Variants in ARHGAP29 observed in about 807,000 individuals in gnomAD.
ARHGAP29 encodes the protein rho GTPase-activating protein 29.
A neutral mutation model predicts 122.6 loss-of-function variants in ARHGAP29; 43 were observed. The observed-to-expected ratio is 0.35, with a 90% CI of 0.27 to 0.45. The LOEUF (loss-of-function observed/expected upper bound fraction) is 0.45. ARHGAP29 is among the 20% of genes least tolerant of loss of function. ARHGAP29 has a pLI of 1.00. For missense variants in ARHGAP29, 1,303 were observed against 1,477.2 expected (o/e 0.88, Z 1.93); for synonymous variants, 506 against 497.1 (o/e 1.02, Z -0.24).
chr1:94,300,208 T>G, the ARHGAP29 span, among the ~76,000 whole-genome samples: 1 of 152,178 alleles, frequency 6.6e-6, no homozygotes, highest in Admixed American at 6.5e-5. Flanking sequence ...TTGTGGATAT[T>G]CCTTAACTAT....
intron 1 of ARHGAP29, among the ~76,000 whole-genome samples, chr1:94,243,420 G>T (rs888658228): frequency 6.6e-6 from 1 of 151,958 alleles, no homozygotes; most frequent in African/African-American, 2.4e-5. Context: ...CCAAATATTT[G>T]TAAATTATAA....
intron 1 of ARHGAP29, among the ~76,000 whole-genome samples, chr1:94,251,326 C>T (rs535952000): frequency 2.6e-5 from 4 of 152,112 alleles, no homozygotes; most frequent in South Asian, 2.1e-4. Context: ...CCCACCACCA[C>T]GCCCGGCTAA....
At chr1:94,264,144 A>G (rs1654665795) in intron 1 of ARHGAP29, among the ~76,000 whole-genome samples, 1 of 152,246 alleles carries the variant, frequency 6.6e-6, no homozygotes, top group Non-Finnish European at 1.5e-5. Context: ...CAATCTTGGC[A>G]GTAGCATATT....
chr1:94,180,320 C>T lies in ARHGAP29; in HGVS notation c.2248-363G>A, dbSNP rs114177504. ...TTGAAATAAAACCCAGGATAATGCA[C>T]AAAATAAGTCAAATTAGTTAAAAAG... On this transcript the variant is annotated intron_variant, in intron 19 of 22. Coordinates refer to ENST00000260526, the MANE Select transcript of ARHGAP29 (RefSeq NM_004815.4). Among the ~76,000 whole-genome samples the T allele has an allele frequency of 9.8e-3, 1,492 of 152,058 alleles. 20 individuals carry two copies. The highest frequency in any genetic ancestry group is 0.034 in the African/African-American group (1,419 of 41,444).
At chr1:94,221,715 G>A (rs1468320212) in intron 2 of ARHGAP29, among the ~76,000 whole-genome samples, 4 of 150,450 alleles carry the variant, frequency 2.7e-5, no homozygotes, top group Non-Finnish European at 5.9e-5. Flanking sequence ...GTACACATAT[G>A]CATGTCTATA....
chr1:94,309,107 C>A, the ARHGAP29 span, among the ~76,000 whole-genome samples: 1 of 152,218 alleles, frequency 6.6e-6, no homozygotes, highest in Non-Finnish European at 1.5e-5. Context: ...GGCGCCCAGG[C>A]AGACTGGGGC....
chr1:94,309,212 C>T, the ARHGAP29 span, among the ~76,000 whole-genome samples: 1 of 152,214 alleles, frequency 6.6e-6, no homozygotes. Flanking sequence ...TCACAACAAA[C>T]TTATGAGAGA....
chr1:94,256,536 CTTTTTTTTTTTTTTTTTTTT>C (rs530295333), intron 1 of ARHGAP29, among the ~76,000 whole-genome samples: 15 of 45,294 alleles, frequency 3.3e-4, no homozygotes, highest in African/African-American at 6.6e-4. Context: ...CAGTACTAAT[CTTTTTTTTTTTTTTTTTTTT>C]TTTTTTTTTT....
At chr1:94,197,221 G>C (rs895796199) in intron 12 of ARHGAP29, among the ~76,000 whole-genome samples, 9 of 151,816 alleles carry the variant, frequency 5.9e-5, no homozygotes, top group African/African-American at 1.9e-4. Context: ...AAAGGTAAGA[G>C]AATACTACAA....
intron 1 of ARHGAP29, among the ~76,000 whole-genome samples, chr1:94,257,333 T>A (rs1570614016): frequency 6.6e-6 from 1 of 151,664 alleles, no homozygotes; most frequent in Non-Finnish European, 1.5e-5. Context: ...ACCCTGGAGG[T>A]GGAGGTTGCA....
chr1:94,245,878 A>G (rs556431709), intron 1 of ARHGAP29, among the ~76,000 whole-genome samples: 1 of 152,338 alleles, frequency 6.6e-6, no homozygotes, highest in Non-Finnish European at 1.5e-5. Flanking sequence ...AACCCCCGGG[A>G]CCAAGAGCAG....
chr1:94,198,408 C>T (rs867642131), intron 12 of ARHGAP29, among the ~76,000 whole-genome samples: 1 of 152,046 alleles, frequency 6.6e-6, no homozygotes, highest in South Asian at 2.1e-4. Context: ...GAGGGTGAGG[C>T]TGCAGTGAGC....
chr1:94,239,663 A>G (rs777354079), upstream of ARHGAP29, among the ~76,000 whole-genome samples: 1 of 129,050 alleles, frequency 7.7e-6, no homozygotes, highest in Non-Finnish European at 1.7e-5. Flanking sequence ...GGAAGATAAA[A>G]GAGACAAACA....
the ARHGAP29 span, among the ~76,000 whole-genome samples, chr1:94,312,914 G>T: frequency 3.7e-4 from 56 of 152,162 alleles, no homozygotes; most frequent in Non-Finnish European, 6.0e-4. Flanking sequence ...CCTTTCTTCA[G>T]CCATATCTCA....
intron 2 of ARHGAP29, among the ~76,000 whole-genome samples, chr1:94,229,801 A>C (rs1277648349): frequency 6.6e-6 from 1 of 151,566 alleles, no homozygotes. Flanking sequence ...TCTGCTCACA[A>C]TTTAAAACTC....
At chr1:94,275,831 A>G (rs1655166285), upstream of ARHGAP29, among the ~76,000 whole-genome samples, 1 of 152,200 alleles carries the variant, frequency 6.6e-6, no homozygotes, top group Non-Finnish European at 1.5e-5. Flanking sequence ...TGCTTTAAAA[A>G]TTAGGTCAGT....
intron 7 of ARHGAP29, 52 bp from the exon 8 acceptor site, chr1:94,204,046 C>G: frequency 7.0e-7 from 1 of 1,419,994 alleles, no homozygotes; most frequent in Non-Finnish European, 9.9e-7. Flanking sequence ...ATTTTTCCCC[C>G]TGTATACTCT....
At chr1:94,267,132 G>A (rs143556969) in intron 1 of ARHGAP29, among the ~76,000 whole-genome samples, 12 of 152,292 alleles carry the variant, frequency 7.9e-5, no homozygotes, top group Admixed American at 1.3e-4. Flanking sequence ...CAGTTGCCTC[G>A]TTAGCATTTT....
At chr1:94,232,070 CACTTAGT>C (rs2101616253) in intron 1 of ARHGAP29, among the ~76,000 whole-genome samples, 2 of 152,184 alleles carry the variant, frequency 1.3e-5, no homozygotes, top group South Asian at 4.1e-4. Flanking sequence ...TCTGAAACAT[CACTTAGT>C]AGAAGGTCAT....
Sources: allele counts gnomAD v4.1 joint callset (sites outside exome capture counted in the v4.1 genomes callset), GRCh38; gene constraint gnomAD v4.1.1; transcripts MANE v1.5; gene names NCBI Gene and HGNC (gene_info 2026-07-23, HGNC 2026-07-21).